Variants in TBC1D22A observed in about 807,000 individuals in gnomAD.
The protein encoded by TBC1D22A is putative GTPase activator.
A neutral mutation model predicts 60.2 loss-of-function variants in TBC1D22A; 38 were observed. That is an observed-to-expected ratio of 0.63 (90% CI 0.49 to 0.83). The LOEUF (loss-of-function observed/expected upper bound fraction) is 0.83, where lower values mean the gene tolerates loss of function less well. TBC1D22A is among the 40% of genes least tolerant of loss of function. The pLI, the probability that TBC1D22A is intolerant of heterozygous loss-of-function variation, is 0.00. For missense variants in TBC1D22A, 628 were observed against 701.0 expected (o/e 0.90, Z 1.18); for synonymous variants, 302 against 281.7 (o/e 1.07, Z -0.72).
chr22:47,108,782 G>A (rs1317980210), intron 11 of TBC1D22A, among the ~76,000 whole-genome samples: 6 of 152,060 alleles, frequency 3.9e-5, no homozygotes, highest in Admixed American at 2.0e-4. Context: ...TGCAAGCTCC[G>A]CCTCCCAGGT....
intron 11 of TBC1D22A, among the ~76,000 whole-genome samples, chr22:47,048,500 A>G (rs930186594): frequency 1.5e-4 from 23 of 152,130 alleles, no homozygotes; most frequent in African/African-American, 5.6e-4. Context: ...GAGGACAAGG[A>G]GTAAAGGGTG....
intron 1 of TBC1D22A, among the ~76,000 whole-genome samples, chr22:46,785,116 G>T (rs952774332): frequency 6.6e-6 from 1 of 152,166 alleles, no homozygotes; most frequent in Non-Finnish European, 1.5e-5. Flanking sequence ...CTGCTCATAG[G>T]GTTTGTGGGT....
intron 11 of TBC1D22A, among the ~76,000 whole-genome samples, chr22:47,040,769 A>G (rs556822363): frequency 1.3e-5 from 2 of 152,308 alleles, no homozygotes; most frequent in Non-Finnish European, 1.5e-5. Context: ...AGGTTCTGAC[A>G]GGACATTCAA....
intron 9 of TBC1D22A, among the ~76,000 whole-genome samples, chr22:46,978,416 C>T (rs969497475): frequency 1.2e-4 from 18 of 152,064 alleles, no homozygotes; most frequent in African/African-American, 2.7e-4. Context: ...TACTATTTTT[C>T]GAAACAAAAA....
intron 4 of TBC1D22A, among the ~76,000 whole-genome samples, chr22:46,816,699 T>A (rs2085616911): frequency 6.6e-6 from 1 of 152,202 alleles, no homozygotes; most frequent in Non-Finnish European, 1.5e-5. Context: ...TCAGAGCCTT[T>A]TGATGCTTAT....
At chr22:46,806,333 C>G (rs576493063) in intron 4 of TBC1D22A, among the ~76,000 whole-genome samples, 39 of 139,532 alleles carry the variant, frequency 2.8e-4, no homozygotes, top group Admixed American at 7.9e-4. Flanking sequence ...GAACCCTCCT[C>G]TGTTCTGATT....
At chr22:46,886,340 A>G (rs1313485925) in intron 5 of TBC1D22A, among the ~76,000 whole-genome samples, 1 of 152,204 alleles carries the variant, frequency 6.6e-6, no homozygotes, top group Non-Finnish European at 1.5e-5. Flanking sequence ...TCTCGAGTGC[A>G]TCTTGGCAGC....
intron 12 of TBC1D22A, among the ~76,000 whole-genome samples, chr22:47,112,132 G>T (rs896525320): frequency 1.3e-5 from 2 of 152,212 alleles, no homozygotes; most frequent in African/African-American, 4.8e-5. Flanking sequence ...GCCCTGCTAG[G>T]CTCCGTGCTT....
chr22:47,054,471 G>C (rs1304391417), intron 11 of TBC1D22A, among the ~76,000 whole-genome samples: 1 of 152,168 alleles, frequency 6.6e-6, no homozygotes, highest in African/African-American at 2.4e-5. Context: ...CTTCCTGCCT[G>C]CATGACTTAC....
intron 11 of TBC1D22A, among the ~76,000 whole-genome samples, chr22:47,107,156 A>G (rs2065665582): frequency 6.6e-6 from 1 of 152,236 alleles, no homozygotes; most frequent in Non-Finnish European, 1.5e-5. Context: ...CTATTAAAAT[A>G]ATAGAAACAA....
intron 8 of TBC1D22A, among the ~76,000 whole-genome samples, chr22:46,946,081 A>G (rs539167374): frequency 6.6e-6 from 1 of 152,302 alleles, no homozygotes; most frequent in East Asian, 1.9e-4. Context: ...TTTCTCCCTT[A>G]AAGGTGTGTG....
At chr22:47,068,931 G>A (rs1161256518) in intron 11 of TBC1D22A, among the ~76,000 whole-genome samples, 1 of 152,160 alleles carries the variant, frequency 6.6e-6, no homozygotes, top group African/African-American at 2.4e-5. Context: ...AAAGGTGAAG[G>A]CGAGAATTAG....
chr22:47,005,210 C>T (rs2061545298), intron 10 of TBC1D22A, among the ~76,000 whole-genome samples: 1 of 151,624 alleles, frequency 6.6e-6, no homozygotes, highest in Non-Finnish European at 1.5e-5. Flanking sequence ...ATATCCACAC[C>T]CCTCATATAT....
intron 1 of TBC1D22A, among the ~76,000 whole-genome samples, chr22:46,765,209 T>G (rs933399803): frequency 6.6e-6 from 1 of 152,208 alleles, no homozygotes; most frequent in Non-Finnish European, 1.5e-5. Context: ...CCTCTGTGTC[T>G]CCCATCCGTC....
intron 4 of TBC1D22A, among the ~76,000 whole-genome samples, chr22:46,869,075 T>G (rs930957132): frequency 1.3e-5 from 2 of 152,198 alleles, no homozygotes; most frequent in Non-Finnish European, 2.9e-5. Flanking sequence ...CTGCTGTGTC[T>G]GCTGTCCATC....
chr22:46,915,730 C>A (rs1209971162), intron 8 of TBC1D22A: 6 of 456,684 alleles, frequency 1.3e-5, no homozygotes, highest in Non-Finnish European at 2.2e-5. Context: ...TGGGCTCTTT[C>A]TGGGGATGTG....
intron 11 of TBC1D22A, among the ~76,000 whole-genome samples, chr22:47,039,494 G>A (rs896380863): frequency 6.6e-6 from 1 of 151,888 alleles, no homozygotes; most frequent in African/African-American, 2.4e-5. Flanking sequence ...AAGTCCTCTT[G>A]GGACACGTGT....
chr22:46,889,167 A>G (rs1459899554), intron 5 of TBC1D22A, among the ~76,000 whole-genome samples: 2 of 152,228 alleles, frequency 1.3e-5, no homozygotes, highest in African/African-American at 4.8e-5. Context: ...ATTTGTATCT[A>G]GAGTGTGTAC....
chr22:46,990,898 T>A lies in TBC1D22A; in HGVS notation c.1126-6736T>A, dbSNP rs1373800823. 6.6e-6 allele frequency among the ~76,000 whole-genome samples: 1 copy of A among 152,202 alleles called. No individual in the cohort carries two copies. Among genetic ancestry groups the A allele is most frequent in the African/African-American group, 2.4e-5 (1 of 41,444 alleles). On this transcript the variant is annotated intron_variant, in intron 9 of 12. Transcript: ENST00000337137. The surrounding 1 kb of genome is among the most constrained non-coding windows in gnomAD (Gnocchi z 4.6). ...TCCTCCTGCTGGTGTGCCGCTTTAC[T>A]CTGCTGGTTGGCCCGTGTCTGAAGA...
Sources: allele counts gnomAD v4.1 joint callset (sites outside exome capture counted in the v4.1 genomes callset), GRCh38; gene constraint gnomAD v4.1.1; non-coding constraint Gnocchi (gnomAD v3.1); transcripts MANE v1.5; gene names NCBI Gene and HGNC (gene_info 2026-07-23, HGNC 2026-07-21).